Variants in ST6GALNAC3 observed in about 807,000 individuals in gnomAD.
ST6GALNAC3 encodes alpha-N-acetylgalactosaminide alpha-2,6-sialyltransferase 3.
ST6GALNAC3 carries 25 observed loss-of-function variants against 32.7 expected under a neutral mutation model. The observed-to-expected ratio is 0.76, with a 90% CI of 0.56 to 1.07. The LOEUF (loss-of-function observed/expected upper bound fraction) is 1.07, where lower values mean the gene tolerates loss of function less well. Ranked by LOEUF, ST6GALNAC3 falls within the 50% of genes least tolerant of loss-of-function variation. ST6GALNAC3 has a pLI of 0.00. For missense variants in ST6GALNAC3, 355 were observed against 382.4 expected, an observed-to-expected ratio of 0.93 and a Z score of 0.60; for synonymous variants, 129 against 133.1, an observed-to-expected ratio of 0.97 and a Z score of 0.21.
chr1:76,296,370 G>A (rs1660405401), intron 1 of ST6GALNAC3, among the ~76,000 whole-genome samples: 1 of 152,076 alleles, frequency 6.6e-6, no homozygotes, highest in African/African-American at 2.4e-5. Context: ...ACCACTAAAT[G>A]GTAGAAATTC....
chr1:76,322,840 CTTTA>C (rs1390400282), intron 2 of ST6GALNAC3, among the ~76,000 whole-genome samples: 2 of 141,484 alleles, frequency 1.4e-5, no homozygotes, highest in African/African-American at 2.6e-5. Flanking sequence ...TAAATGGATT[CTTTA>C]TTTATTCATT....
Position 76,323,156 on chromosome 1 carries a change from A to G in ST6GALNAC3, c.213+9157A>G, listed in dbSNP as rs111696240. On this transcript the variant is annotated intron_variant, in intron 2 of 4. Coordinates refer to ENST00000328299, the MANE Select transcript of ST6GALNAC3 (RefSeq NM_152996.4). Reference sequence around the variant, plus strand: ...GTATACCTGGTTCAAATGATTTTAGATAAGGGATTGCAGGCCTGTGTCAAA... The same window carrying G: ...GTATACCTGGTTCAAATGATTTTAGGTAAGGGATTGCAGGCCTGTGTCAAA... 7.9e-4 allele frequency among the ~76,000 whole-genome samples: 121 copies of G among 152,338 alleles called. 1 individual carries two copies. Among genetic ancestry groups the G allele is most frequent in the Middle Eastern group, 3.4e-3 (1 of 294 alleles).
Position 76,620,118 on chromosome 1 carries a change from C to T in ST6GALNAC3, c.624-7334C>T, listed in dbSNP as rs749258809. ...TTTTCCAGTGCCCAGCAACATGCCT[C>T]GCACCTAGAAAGTACTCAACACATC... On this transcript the variant is annotated intron_variant, in intron 3 of 4. Transcript: ENST00000328299. Among the ~76,000 whole-genome samples the T allele has an allele frequency of 3.1e-4, 47 of 151,958 alleles. 1 individual carries two copies. The highest frequency in any genetic ancestry group is 6.2e-4 in the South Asian group (3 of 4,814).
At chr1:76,541,602 C>T (rs1234415897) in intron 3 of ST6GALNAC3, among the ~76,000 whole-genome samples, 1 of 152,236 alleles carries the variant, frequency 6.6e-6, no homozygotes, top group African/African-American at 2.4e-5. Context: ...GACACTGTGG[C>T]TTTCAAGGGC....
chr1:76,307,828 G>A, intron 1 of ST6GALNAC3: 2 of 482,804 alleles, frequency 4.1e-6, no homozygotes, highest in Non-Finnish European at 8.4e-6. Flanking sequence ...GCTAGGTCCG[G>A]ATCTTTGCAC....
At chr1:76,373,821 C>CT (rs1402142810) in intron 2 of ST6GALNAC3, among the ~76,000 whole-genome samples, 8 of 152,144 alleles carry the variant, frequency 5.3e-5, no homozygotes, top group African/African-American at 1.9e-4. Context: ...AAAAAAAGTC[C>CT]TTTTCAGAAA....
chr1:76,252,604 A>G (rs1188335306), intron 1 of ST6GALNAC3, among the ~76,000 whole-genome samples: 3 of 151,752 alleles, frequency 2.0e-5, no homozygotes, highest in Non-Finnish European at 2.9e-5. Flanking sequence ...CCTGAATGCT[A>G]TGAGTACTGA....
At chr1:76,490,556 C>T (rs545928542) in intron 3 of ST6GALNAC3, among the ~76,000 whole-genome samples, 29 of 150,848 alleles carry the variant, frequency 1.9e-4, no homozygotes, top group South Asian at 4.2e-4. Flanking sequence ...ACACAACTTG[C>T]GGAATGCAAT....
At chr1:76,478,652 C>T (rs1273751696) in intron 3 of ST6GALNAC3, among the ~76,000 whole-genome samples, 1 of 152,004 alleles carries the variant, frequency 6.6e-6, no homozygotes, top group Middle Eastern at 3.2e-3. Flanking sequence ...CTAAAGATAC[C>T]CCTAGTACTA....
chr1:76,526,102 A>G (rs1445248802), intron 3 of ST6GALNAC3, among the ~76,000 whole-genome samples: 1 of 151,724 alleles, frequency 6.6e-6, no homozygotes, highest in African/African-American at 2.4e-5. Context: ...GGAAGAGCAT[A>G]AATTTAGAAG....
At position 76,308,455 on chromosome 1, in the gene ST6GALNAC3, A is replaced by G. The variant is rs532275277; in HGVS notation, c.19-5350A>G. On this transcript the variant is annotated intron_variant, in intron 1 of 4. Transcript: ENST00000328299. ...TTGAGCCGAGTGTCATACATTATAA[A>G]CTGACATGTACTTACTGTTGTTTAA... Among the ~76,000 whole-genome samples, 6 of 152,236 alleles carry G rather than the reference A, an allele frequency of 3.9e-5. No homozygotes were observed. The South Asian group carries it at 1.2e-3, about 32-fold the overall frequency.
At position 76,112,192 on chromosome 1, in the gene ST6GALNAC3, C is replaced by T. The variant is rs552969791; in HGVS notation, c.18+37308C>T. On this transcript the variant is annotated intron_variant, in intron 1 of 4. Transcript: ENST00000328299. ...CTCCTCTCTTCCCAGTAGGGGCGGC[C>T]GGGCAGAGGCGCCCCTCACCTCCCG... 3.6e-5 allele frequency among the ~76,000 whole-genome samples: 5 copies of T among 139,096 alleles called. No individual in the cohort carries two copies. The South Asian group carries it at 7.0e-4, about 20-fold the overall frequency. The allele number at this position is 139,096 out of a possible 152,430, so 91.3% of individuals were successfully genotyped here.
intron 3 of ST6GALNAC3, among the ~76,000 whole-genome samples, chr1:76,480,033 G>T (rs2101652431): frequency 6.6e-6 from 1 of 152,202 alleles, no homozygotes; most frequent in South Asian, 2.1e-4. Context: ...CAACAGAATT[G>T]ACAGCTCCCA....
chr1:76,172,627 C>G (rs1193193102), intron 1 of ST6GALNAC3, among the ~76,000 whole-genome samples: 1 of 152,144 alleles, frequency 6.6e-6, no homozygotes, highest in African/African-American at 2.4e-5. Flanking sequence ...TGAAAAGCAA[C>G]TTCAGCAAAG....
At chr1:76,137,248 G>A (rs934979095) in intron 1 of ST6GALNAC3, among the ~76,000 whole-genome samples, 2 of 152,224 alleles carry the variant, frequency 1.3e-5, no homozygotes, top group Admixed American at 1.3e-4. Context: ...ATCTGTCTGG[G>A]ACACCTGAGT....
intron 3 of ST6GALNAC3, among the ~76,000 whole-genome samples, chr1:76,439,775 C>G (rs939528442): frequency 2.0e-5 from 3 of 152,146 alleles, no homozygotes; most frequent in Admixed American, 1.3e-4. Flanking sequence ...TGTCACACAC[C>G]AGACTGAACA....
chr1:76,389,759 G>A (rs965039209), intron 2 of ST6GALNAC3, among the ~76,000 whole-genome samples: 14 of 152,036 alleles, frequency 9.2e-5, no homozygotes, highest in African/African-American at 3.1e-4. Flanking sequence ...GTTTACCTTT[G>A]GAATATTTTT....
intron 2 of ST6GALNAC3, among the ~76,000 whole-genome samples, chr1:76,391,358 G>A (rs188693283): frequency 3.9e-5 from 6 of 152,344 alleles, no homozygotes; most frequent in Admixed American, 3.9e-4. Context: ...AGTGTGTGCT[G>A]TGGATGTATG....
intron 2 of ST6GALNAC3, among the ~76,000 whole-genome samples, chr1:76,364,446 G>A (rs58918633): frequency 0.19 from 28,748 of 152,038 alleles, 3,357 homozygotes; most frequent in Admixed American, 0.31. Context: ...CCAGCTACTC[G>A]AGAGGCTGAG....
Sources: allele counts gnomAD v4.1 joint callset (sites outside exome capture counted in the v4.1 genomes callset), GRCh38; gene constraint gnomAD v4.1.1; transcripts MANE v1.5; gene names NCBI Gene and HGNC (gene_info 2026-07-23, HGNC 2026-07-21).